Variants in DOCK10 observed in about 807,000 individuals in gnomAD.
The protein encoded by DOCK10 is dedicator of cytokinesis protein 10.
In DOCK10, 145 loss-of-function variants were observed where a neutral mutation model predicts 280.1. That is an observed-to-expected ratio of 0.52 (90% CI 0.45 to 0.59). The LOEUF is 0.59. Among genes scored for constraint, DOCK10 ranks in the 20% least tolerant of loss-of-function variants. The pLI, the probability that DOCK10 is intolerant of heterozygous loss-of-function variation, is 0.00. For missense variants in DOCK10, 2,368 were observed against 2,651.7 expected (o/e 0.89, Z 2.35); for synonymous variants, 915 against 942.2 (o/e 0.97, Z 0.53).
intron 1 of DOCK10, among the ~76,000 whole-genome samples, chr2:225,035,933 A>G (rs1012860746): frequency 6.6e-6 from 1 of 151,576 alleles, no homozygotes; most frequent in Non-Finnish European, 1.5e-5. Flanking sequence ...CACTCTCATG[A>G]CCGAATCTAC....
intron 50 of DOCK10, among the ~76,000 whole-genome samples, chr2:224,785,771 G>A (rs530639979): frequency 8.5e-5 from 13 of 152,310 alleles, no homozygotes; most frequent in African/African-American, 1.4e-4. Context: ...GAGCCATGGC[G>A]CCCAGCCCAG....
At chr2:224,775,208 G>A in intron 51 of DOCK10, 93 bp from the exon 52 acceptor site, 3 of 1,150,838 alleles carry the variant, frequency 2.6e-6, no homozygotes, top group South Asian at 2.6e-5. Flanking sequence ...ATCCAGAGGA[G>A]GCTGTGCCTC....
chr2:224,923,496 A>C (rs1410448311), intron 2 of DOCK10, among the ~76,000 whole-genome samples: 1 of 152,220 alleles, frequency 6.6e-6, no homozygotes, highest in Non-Finnish European at 1.5e-5. Context: ...CACCTACTGC[A>C]CCAGGACCTC....
intron 52 of DOCK10, among the ~76,000 whole-genome samples, chr2:224,774,172 G>C (rs1304608345): frequency 6.6e-6 from 1 of 152,160 alleles, no homozygotes; most frequent in East Asian, 1.9e-4. Flanking sequence ...GGATGGCCCA[G>C]CTCTCAAAGC....
At chr2:224,973,310 G>A (rs1164820380) in intron 1 of DOCK10, among the ~76,000 whole-genome samples, 3 of 152,092 alleles carry the variant, frequency 2.0e-5, no homozygotes, top group South Asian at 2.1e-4. Flanking sequence ...CACAGCAGAG[G>A]GTAATCCAGG....
rs577928219 is a variant in DOCK10 at position 224,888,868 on chromosome 2, A to C, written c.417-2337T>G. Among the ~76,000 whole-genome samples the C allele has an allele frequency of 2.6e-5, 4 of 152,142 alleles. No homozygotes were observed. In the East Asian group the frequency reaches 7.7e-4, roughly 29 times the overall value. ...TGAATATATTTGTGTGTGACTACAT[A>C]TGTGTGTATGTATATATTAATGTGT... On this transcript the variant is annotated intron_variant, in intron 4 of 55. Coordinates refer to ENST00000258390, the MANE Select transcript of DOCK10 (RefSeq NM_014689.3).
rs748657283 is a variant in DOCK10, at chr2:224,873,990, A to G, written c.1257+6T>C. On this transcript the variant is annotated splice_donor_region_variant and intron_variant, in intron 11 of 55. Transcript: ENST00000258390. ...TGGTATAGGATGTAACAGAGGAGAA[A>G]CTTACATTCGTTATCGGATCATTTT... is the stretch of plus-strand genomic sequence containing the variant. 1.5e-5 allele frequency: 24 copies of G among 1,608,880 alleles called. No homozygotes were observed. The highest frequency in any genetic ancestry group is 2.0e-5 in the Non-Finnish European group (24 of 1,178,466).
intron 3 of DOCK10, among the ~76,000 whole-genome samples, chr2:224,911,635 C>A (rs1447629157): frequency 1.3e-5 from 2 of 152,066 alleles, no homozygotes; most frequent in Non-Finnish European, 2.9e-5. Context: ...TAGGCAGGAG[C>A]TGAAGGAGGC....
chr2:224,911,909 A>G (rs1451129306), intron 3 of DOCK10, among the ~76,000 whole-genome samples: 1 of 152,226 alleles, frequency 6.6e-6, no homozygotes, highest in Non-Finnish European at 1.5e-5. Flanking sequence ...TCTATGACAG[A>G]AAGACAAGCC....
intron 1 of DOCK10, among the ~76,000 whole-genome samples, chr2:225,041,316 C>G (rs1414202439): frequency 6.6e-6 from 1 of 152,202 alleles, no homozygotes; most frequent in Non-Finnish European, 1.5e-5. Context: ...AAACGCAGGC[C>G]AAGAGCGCGG....
chr2:224,927,335 G>A, intron 2 of DOCK10, among the ~76,000 whole-genome samples: 1 of 152,188 alleles, frequency 6.6e-6, no homozygotes. Context: ...GCAATGGGAA[G>A]CCACTGAGAA....
intron 1 of DOCK10, among the ~76,000 whole-genome samples, chr2:224,948,940 T>C (rs756838759): frequency 5.4e-4 from 82 of 152,226 alleles, no homozygotes; most frequent in Non-Finnish European, 9.1e-4. Context: ...CACAGTTCTT[T>C]ATCCTAGAGT....
At position 224,812,882 on chromosome 2, in the gene DOCK10, G is replaced by A. The variant is rs921932207; in HGVS notation, c.3409+1438C>T. Among the ~76,000 whole-genome samples the A allele has an allele frequency of 4.9e-4, 74 of 152,080 alleles. 1 individual carries two copies. The highest frequency in any genetic ancestry group is 1.9e-4 in the Non-Finnish European group (13 of 67,996). ...AGCTTTTTGATGTGCTGCTGGATTC[G>A]GTTTGCCAGTATTTTATTGAGGATT... On this transcript the variant is annotated intron_variant, in intron 31 of 55. Transcript: ENST00000258390.
At chr2:224,963,918 T>C (rs1222836326) in intron 1 of DOCK10, among the ~76,000 whole-genome samples, 1 of 152,300 alleles carries the variant, frequency 6.6e-6, no homozygotes, top group African/African-American at 2.4e-5. Flanking sequence ...AGGGAAGAAT[T>C]TGATGTACAG....
At chr2:224,886,559 G>C in intron 4 of DOCK10, 28 bp from the exon 5 acceptor site, 1 of 1,530,614 alleles carries the variant, frequency 6.5e-7, no homozygotes, top group Non-Finnish European at 8.9e-7. Flanking sequence ...AAAAGATTCT[G>C]ATTTGTCATT....
intron 7 of DOCK10, among the ~76,000 whole-genome samples, chr2:224,885,245 C>T (rs572820580): frequency 2.0e-5 from 3 of 152,332 alleles, no homozygotes; most frequent in African/African-American, 4.8e-5. Flanking sequence ...AGTGATCCAC[C>T]CGCCTTGGCC....
rs57091483 is a variant in DOCK10 at position 225,018,744 on chromosome 2, T to TACAC, written c.123+23504_123+23507dup. ...AAGATTTCATGTAAATATATATATA[T>TACAC]ACACATACACATATGTGTATATGTA... On this transcript the variant is annotated intron_variant, in intron 1 of 55. Transcript: ENST00000258390. Among the ~76,000 whole-genome samples the TACAC allele has an allele frequency of 2.1e-4, 19 of 91,004 alleles. 2 individuals carry two copies. The highest frequency in any genetic ancestry group is 6.4e-4 in the African/African-American group (19 of 29,534). The allele number at this position is 91,004 out of a possible 152,430, so 59.7% of individuals were successfully genotyped here.
chr2:224,781,802 T>C (rs2125044348), intron 50 of DOCK10, among the ~76,000 whole-genome samples: 1 of 152,338 alleles, frequency 6.6e-6, no homozygotes, highest in Non-Finnish European at 1.5e-5. Flanking sequence ...CAATACATTA[T>C]GGTAAAAATG....
chr2:224,805,193 G>C lies in DOCK10; in HGVS notation c.4051+13C>G. 6.2e-7 allele frequency: 1 copy of C among 1,602,372 alleles called. No individual in the cohort carries two copies. The highest frequency in any genetic ancestry group is 8.5e-7 in the Non-Finnish European group (1 of 1,176,160). On this transcript the variant is annotated intron_variant, in intron 36 of 55. Transcript: ENST00000258390. This position sits in a 1 kb window ranked among gnomAD's most constrained non-coding sequence, Gnocchi z 4.3. ...TTTTCCTTTTTTCAAAAAAATTAAAGAATTCTCTTTACCGTACGAAATCGT... is the reference window on the plus strand; with the variant it reads ...TTTTCCTTTTTTCAAAAAAATTAAACAATTCTCTTTACCGTACGAAATCGT...
Sources: allele counts gnomAD v4.1 joint callset (sites outside exome capture counted in the v4.1 genomes callset), GRCh38; gene constraint gnomAD v4.1.1; non-coding constraint Gnocchi (gnomAD v3.1); transcripts MANE v1.5; gene names NCBI Gene and HGNC (gene_info 2026-07-23, HGNC 2026-07-21).